ZNF469: variants seen among roughly 807,000 people sequenced by gnomAD.
The protein encoded by ZNF469 is zinc finger protein 469.
Under a neutral mutation model 1.0 loss-of-function variants are expected in ZNF469, and 1 was observed. The observed-to-expected ratio is 1.00, with a 90% CI of 0.35 to 4.73. The LOEUF (loss-of-function observed/expected upper bound fraction) is 4.73, where lower values mean the gene tolerates loss of function less well. Among genes scored for constraint, ZNF469 ranks in the 30% most tolerant of loss-of-function variants. The pLI, the probability that ZNF469 is intolerant of heterozygous loss-of-function variation, is 0.16. For missense variants in ZNF469, 6,100 were observed against 5,356.3 expected, an observed-to-expected ratio of 1.14 and a Z score of -4.33; for synonymous variants, 2,703 against 2,363.4, an observed-to-expected ratio of 1.14 and a Z score of -4.17.
At chr16:88,275,726 C>G in the ZNF469 span, among the ~76,000 whole-genome samples, 4 of 152,222 alleles carry the variant, frequency 2.6e-5, no homozygotes, top group East Asian at 5.8e-4. Context: ...TCCTCCTTCC[C>G]CCAAACCCCA....
chr16:88,240,884 G>A, the ZNF469 span, among the ~76,000 whole-genome samples: 1 of 152,058 alleles, frequency 6.6e-6, no homozygotes, highest in African/African-American at 2.4e-5. Flanking sequence ...AGCCTGCACC[G>A]CCAGCCCTCT....
chr16:88,291,545 G>A, the ZNF469 span, among the ~76,000 whole-genome samples: 5 of 152,162 alleles, frequency 3.3e-5, no homozygotes, highest in Non-Finnish European at 4.4e-5. Flanking sequence ...GGCTCAGCAC[G>A]CGGCTTGCCT....
At chr16:88,200,970 T>C in the ZNF469 span, among the ~76,000 whole-genome samples, 1 of 152,174 alleles carries the variant, frequency 6.6e-6, no homozygotes, top group Non-Finnish European at 1.5e-5. Flanking sequence ...GGCCCCACTG[T>C]GTGTGGGCGA....
chr16:88,370,297 C>CAA, the ZNF469 span, among the ~76,000 whole-genome samples: 3 of 152,314 alleles, frequency 2.0e-5, no homozygotes, highest in East Asian at 5.8e-4. Flanking sequence ...CTGTTGTGGG[C>CAA]ATTTGTGCAG....
chr16:88,126,017 C>T, the ZNF469 span, among the ~76,000 whole-genome samples: 10 of 151,136 alleles, frequency 6.6e-5, no homozygotes, highest in Non-Finnish European at 1.2e-4. Flanking sequence ...GGTGAAACCC[C>T]GTCTTTACTA....
At chr16:88,298,285 G>A in the ZNF469 span, among the ~76,000 whole-genome samples, 22 of 152,280 alleles carry the variant, frequency 1.4e-4, no homozygotes, top group South Asian at 2.1e-4. Flanking sequence ...AGGGCTTCCC[G>A]GACCAAGAAC....
chr16:88,353,062 C>A, the ZNF469 span, among the ~76,000 whole-genome samples: 2 of 152,190 alleles, frequency 1.3e-5, no homozygotes, highest in Admixed American at 1.3e-4. Context: ...AGAGACCAGG[C>A]TCAGGCTCAG....
At chr16:88,136,918 C>A in the ZNF469 span, among the ~76,000 whole-genome samples, 1 of 152,240 alleles carries the variant, frequency 6.6e-6, no homozygotes, top group African/African-American at 2.4e-5. Flanking sequence ...AAGTTCTGTC[C>A]TCCACACTCA....
the ZNF469 span, among the ~76,000 whole-genome samples, chr16:88,354,813 G>C: frequency 6.6e-6 from 1 of 152,200 alleles, no homozygotes; most frequent in African/African-American, 2.4e-5. Flanking sequence ...ACCCACCTTG[G>C]TCAGCTTCAA....
the ZNF469 span, among the ~76,000 whole-genome samples, chr16:88,253,790 C>T: frequency 7.9e-5 from 12 of 152,182 alleles, no homozygotes; most frequent in African/African-American, 2.4e-4. Context: ...CCTCCCACCT[C>T]GGCCTCCCAA....
rs544844686 is a variant in ZNF469 at position 88,438,169 on chromosome 16, G to C, written c.10699G>C (p.Gly3567Arg). Reference sequence around the variant, plus strand: ...CCCAGCTGCCTTGGCTGATGGCAGAGGAGACTGCGCGCTGGACGGAGCCCT... The same window carrying C: ...CCCAGCTGCCTTGGCTGATGGCAGACGAGACTGCGCGCTGGACGGAGCCCT... Reference protein sequence around the residue: ...PFPAALADGRGDCALDGALER... With the variant: ...PFPAALADGRRDCALDGALER... The change falls in exon 3 of 3, where the codon GGA (glycine) becomes CGA (arginine). Residue 3567 changes from glycine (G) to arginine (R), a missense_variant. By Grantham distance (125) the Gly-to-Arg change is moderately radical. Transcript: ENST00000565624. 3 of 1,550,028 alleles carry C rather than the reference G, an allele frequency of 1.9e-6. No homozygotes were observed. In the African/African-American group the frequency reaches 4.1e-5, roughly 21 times the overall value.
chr16:88,169,538 C>G, the ZNF469 span, among the ~76,000 whole-genome samples: 5 of 152,220 alleles, frequency 3.3e-5, no homozygotes, highest in Non-Finnish European at 7.3e-5. This position sits in a 1 kb window ranked among gnomAD's most constrained non-coding sequence, Gnocchi z 6.1. Context: ...TGCAGCCCAT[C>G]TCCATCCTTC....
chr16:88,277,552 C>T, the ZNF469 span, among the ~76,000 whole-genome samples: 18 of 148,534 alleles, frequency 1.2e-4, 1 homozygote, highest in South Asian at 6.5e-4. Flanking sequence ...CGCCGACACT[C>T]GGTCAGTACC....
the ZNF469 span, among the ~76,000 whole-genome samples, chr16:88,217,445 T>C: frequency 6.6e-6 from 1 of 152,154 alleles, no homozygotes; most frequent in Non-Finnish European, 1.5e-5. Flanking sequence ...TTTCTTTTTT[T>C]TTATTATTAT....
the ZNF469 span, among the ~76,000 whole-genome samples, chr16:88,243,720 T>TGGA: frequency 1.3e-5 from 2 of 149,540 alleles, no homozygotes; most frequent in African/African-American, 5.0e-5. Flanking sequence ...GATAAATGGG[T>TGGA]GGATGGGTGG....
chr16:88,315,298 G>A, the ZNF469 span, among the ~76,000 whole-genome samples: 2 of 152,178 alleles, frequency 1.3e-5, no homozygotes, highest in Non-Finnish European at 2.9e-5. Flanking sequence ...GGGCTGGCAC[G>A]GCACTGGCCC....
upstream of ZNF469, among the ~76,000 whole-genome samples, chr16:88,379,752 A>G (rs2142254723): frequency 6.6e-6 from 1 of 152,260 alleles, no homozygotes; most frequent in South Asian, 2.1e-4. Flanking sequence ...GTGGGTGTGG[A>G]ACATGGGGAC....
chr16:88,232,105 G>A, the ZNF469 span, among the ~76,000 whole-genome samples: 1 of 152,110 alleles, frequency 6.6e-6, no homozygotes, highest in African/African-American at 2.4e-5. Context: ...CTCAGACCTC[G>A]ACCACGCAAA....
the ZNF469 span, among the ~76,000 whole-genome samples, chr16:88,337,393 T>C: frequency 6.6e-6 from 1 of 152,254 alleles, no homozygotes; most frequent in Non-Finnish European, 1.5e-5. Flanking sequence ...GCCATGATAG[T>C]GAGGCCTCCT....
Sources: gnomAD v4.1 joint callset for allele counts (sites outside exome capture counted in the v4.1 genomes callset) on GRCh38, gnomAD v4.1.1 for gene constraint, Gnocchi (gnomAD v3.1) non-coding constraint, MANE v1.5 for transcripts, NCBI Gene and HGNC (gene_info 2026-07-23, HGNC 2026-07-21) for gene names.